The following UNC13C variants were observed in gnomAD, a reference collection of about 807,000 sequenced individuals.
UNC13C encodes the protein unc-13 homolog C.
Under a neutral mutation model 245.4 loss-of-function variants are expected in UNC13C, and 174 were observed. The ratio of observed to expected loss-of-function variants is 0.71; its 90% confidence interval spans 0.63 to 0.80. The LOEUF (loss-of-function observed/expected upper bound fraction) is 0.80, where lower values mean the gene tolerates loss of function less well. Among genes scored for constraint, UNC13C ranks in the 30% least tolerant of loss-of-function variants. The pLI, the probability that UNC13C is intolerant of heterozygous loss-of-function variation, is 0.00. For missense variants in UNC13C, 2,829 were observed against 2,602.9 expected, an observed-to-expected ratio of 1.09 and a Z score of -1.89; for synonymous variants, 992 against 895.1, an observed-to-expected ratio of 1.11 and a Z score of -1.93.
At chr15:54,624,456 A>T (rs1901010787) in intron 32 of UNC13C, among the ~76,000 whole-genome samples, 1 of 152,178 alleles carries the variant, frequency 6.6e-6, no homozygotes, top group Non-Finnish European at 1.5e-5. Flanking sequence ...GATATTTAAG[A>T]AGCAGCACAT....
In UNC13C at chr15:54,189,378, T is replaced by C. The variant is rs1305429004; in HGVS notation, c.3072-45652T>C. 3.3e-5 allele frequency among the ~76,000 whole-genome samples: 5 copies of C among 152,220 alleles called. No homozygotes were observed. In the East Asian group the frequency reaches 9.7e-4, roughly 29 times the overall value. On this transcript the variant is annotated intron_variant, in intron 4 of 32. Transcript: ENST00000260323. ...CTCTGATGGTACGATTTTTTTTAAA[T>C]TCAATTTATTTTAATAGTTCTTCCA...
chr15:54,370,782 A>G (rs997170674), intron 17 of UNC13C, among the ~76,000 whole-genome samples: 2 of 152,106 alleles, frequency 1.3e-5, no homozygotes, highest in African/African-American at 2.4e-5. Context: ...TGGTATAAGT[A>G]TCTGAATTTC....
intron 24 of UNC13C, among the ~76,000 whole-genome samples, chr15:54,514,951 G>GA (rs535830833): frequency 0.01 from 1,521 of 150,712 alleles, 24 homozygotes; most frequent in African/African-American, 0.035. Flanking sequence ...CCTATTTAGG[G>GA]AAAAAAAAAG....
intron 30 of UNC13C, among the ~76,000 whole-genome samples, chr15:54,580,609 G>A (rs376996000): frequency 8.5e-5 from 13 of 152,104 alleles, no homozygotes; most frequent in East Asian, 5.8e-4. Context: ...AATTCATACC[G>A]TGTGGAGTTG....
At chr15:53,906,859 C>T in the UNC13C span, among the ~76,000 whole-genome samples, 4 of 152,186 alleles carry the variant, frequency 2.6e-5, no homozygotes, top group East Asian at 5.8e-4. Context: ...GGACCTTCTT[C>T]ACATGGTGGC....
chr15:54,127,422 G>A (rs2031118057), intron 2 of UNC13C, among the ~76,000 whole-genome samples: 1 of 151,952 alleles, frequency 6.6e-6, no homozygotes, highest in South Asian at 2.1e-4. Context: ...GGATGAAGTT[G>A]GAAACCATCA....
chr15:53,864,650 G>A, the UNC13C span, among the ~76,000 whole-genome samples: 1 of 152,090 alleles, frequency 6.6e-6, no homozygotes, highest in Non-Finnish European at 1.5e-5. Context: ...TTTTTCATCA[G>A]AAGAGGATTG....
At chr15:54,496,718 G>A (rs1252813686) in intron 20 of UNC13C, among the ~76,000 whole-genome samples, 2 of 151,866 alleles carry the variant, frequency 1.3e-5, no homozygotes, top group Non-Finnish European at 2.9e-5. Flanking sequence ...ACTCAGGAAT[G>A]GAAAACCAAA....
chr15:54,597,235 A>G (rs1295522422), intron 30 of UNC13C, among the ~76,000 whole-genome samples: 1 of 152,322 alleles, frequency 6.6e-6, no homozygotes, highest in East Asian at 1.9e-4. Flanking sequence ...TGTGCAGCCC[A>G]GTTCCTAACA....
intron 4 of UNC13C, among the ~76,000 whole-genome samples, chr15:54,153,056 G>T (rs147463007): frequency 7.8e-4 from 118 of 152,122 alleles, no homozygotes; most frequent in African/African-American, 2.6e-3. Context: ...TGCTGCTGCT[G>T]CTATAAGCTT....
intron 26 of UNC13C, among the ~76,000 whole-genome samples, chr15:54,538,526 C>T (rs1251620827): frequency 3.3e-5 from 5 of 151,894 alleles, no homozygotes; most frequent in Admixed American, 1.3e-4. Flanking sequence ...ATTGTTCTAC[C>T]GTAAAGACAC....
intron 30 of UNC13C, among the ~76,000 whole-genome samples, chr15:54,573,249 C>T (rs530220660): frequency 6.6e-6 from 1 of 152,160 alleles, no homozygotes; most frequent in Non-Finnish European, 1.5e-5. Context: ...TTTCCTCCTT[C>T]ATTATTCTCT....
At chr15:54,144,670 C>A (rs371486966) in intron 4 of UNC13C, among the ~76,000 whole-genome samples, 2 of 152,102 alleles carry the variant, frequency 1.3e-5, no homozygotes, top group African/African-American at 4.8e-5. Context: ...CATTTAACAA[C>A]AAATGCTTTG....
At chr15:54,293,597 T>C (rs947495553) in intron 10 of UNC13C, among the ~76,000 whole-genome samples, 1 of 152,008 alleles carries the variant, frequency 6.6e-6, no homozygotes, top group African/African-American at 2.4e-5. Flanking sequence ...ATAGGAAATA[T>C]GGCATAAGTG....
intron 2 of UNC13C, among the ~76,000 whole-genome samples, chr15:54,057,341 A>G (rs1897580037): frequency 6.6e-6 from 1 of 151,322 alleles, no homozygotes; most frequent in Non-Finnish European, 1.5e-5. Flanking sequence ...CTTTAAACCA[A>G]CAAAGATCAA....
At chr15:54,435,890 AC>A (rs775074849) in intron 19 of UNC13C, among the ~76,000 whole-genome samples, 1 of 151,886 alleles carries the variant, frequency 6.6e-6, no homozygotes, top group Non-Finnish European at 1.5e-5. Flanking sequence ...AAGAAAAAAA[AC>A]AAAACAAAAC....
intron 10 of UNC13C, among the ~76,000 whole-genome samples, chr15:54,273,413 A>G (rs1170284059): frequency 3.3e-5 from 5 of 151,878 alleles, no homozygotes; most frequent in Non-Finnish European, 7.4e-5. Context: ...ATTCTTGATC[A>G]CTACTCAATA....
chr15:53,966,327 G>A, the UNC13C span, among the ~76,000 whole-genome samples: 2 of 152,102 alleles, frequency 1.3e-5, no homozygotes, highest in Admixed American at 6.6e-5. Flanking sequence ...TTTTTGTGAT[G>A]TAAACAACTA....
At position 54,371,273 on chromosome 15, in the gene UNC13C, A is replaced by G. The variant is rs77823652; in HGVS notation, c.4714-21775A>G. 4.2e-3 allele frequency among the ~76,000 whole-genome samples: 633 copies of G among 152,278 alleles called. 28 individuals are homozygous for G. In the East Asian group the frequency reaches 0.088, roughly 21 times the overall value. On this transcript the variant is annotated intron_variant, in intron 17 of 32. Transcript: ENST00000260323. ...TTTTTAGATTCCATATATGAGTGAA[A>G]TCATGTGATATTTGTTTTTAATACC... is the stretch of plus-strand genomic sequence containing the variant.
Sources: allele counts gnomAD v4.1 joint callset (sites outside exome capture counted in the v4.1 genomes callset), GRCh38; gene constraint gnomAD v4.1.1; transcripts MANE v1.5; gene names NCBI Gene and HGNC (gene_info 2026-07-23, HGNC 2026-07-21).